Variants in IDO2 observed in about 807,000 individuals in gnomAD.
IDO2 encodes indoleamine 2,3-dioxygenase-like 1 protein.
IDO2 carries 46 observed loss-of-function variants against 45.1 expected under a neutral mutation model. The observed-to-expected ratio is 1.02, with a 90% CI of 0.80 to 1.30. The LOEUF is 1.30. Among genes scored for constraint, IDO2 ranks in the 50% most tolerant of loss-of-function variants. The pLI is 0.00. For synonymous variants in IDO2, 218 were observed against 184.9 expected, an observed-to-expected ratio of 1.18 and a Z score of -1.45; for missense variants, 544 against 491.8, an observed-to-expected ratio of 1.11 and a Z score of -1.00.
chr8:39,946,974 A>G (rs1005781958), intron 1 of IDO2, among the ~76,000 whole-genome samples: 2 of 152,096 alleles, frequency 1.3e-5, no homozygotes, highest in Non-Finnish European at 2.9e-5. Context: ...AGCCTGGTCA[A>G]CATGGTGAAA....
chr8:39,960,605 C>G (rs1807977744), intron 2 of IDO2, among the ~76,000 whole-genome samples: 1 of 152,210 alleles, frequency 6.6e-6, no homozygotes, highest in Non-Finnish European at 1.5e-5. Context: ...AACCCTGCTT[C>G]TATGACCCTG....
At chr8:39,949,360 A>G in intron 2 of IDO2, 96 bp downstream of exon 2, 1 of 829,804 alleles carries the variant, frequency 1.2e-6, no homozygotes, top group East Asian at 2.7e-5. Context: ...TTAAGAGACC[A>G]ATATAAATAT....
chr8:39,998,519 A>G (rs1802084392), intron 8 of IDO2: 1 of 151,582 alleles, frequency 6.6e-6, no homozygotes, highest in Non-Finnish European at 1.5e-5. Context: ...GCTGGCTCCC[A>G]TGTCTGATCA....
At chr8:39,948,827 A>G (rs1807775395) in intron 1 of IDO2, among the ~76,000 whole-genome samples, 1 of 152,182 alleles carries the variant, frequency 6.6e-6, no homozygotes, top group African/African-American at 2.4e-5. Flanking sequence ...AACCACAACC[A>G]CAGGTCTATT....
At chr8:40,002,527 G>A (rs913607233) in intron 8 of IDO2, among the ~76,000 whole-genome samples, 1 of 152,172 alleles carries the variant, frequency 6.6e-6, no homozygotes, top group Non-Finnish European at 1.5e-5. Context: ...GGGCGCGGTG[G>A]CTCACGCCTG....
At chr8:40,006,850 G>GGA (rs564855158) in intron 9 of IDO2, among the ~76,000 whole-genome samples, 101 of 151,992 alleles carry the variant, frequency 6.6e-4, no homozygotes, top group African/African-American at 2.3e-3. Context: ...TAGTAGAGAC[G>GGA]GAGTATTGCC....
chr8:39,967,048 A>G (rs748110093), intron 3 of IDO2, among the ~76,000 whole-genome samples: 1 of 152,236 alleles, frequency 6.6e-6, no homozygotes, highest in Non-Finnish European at 1.5e-5. Context: ...ACTCCTCAAT[A>G]TAAACCTAAC....
chr8:39,989,504 A>G (rs1405783122), intron 7 of IDO2, among the ~76,000 whole-genome samples: 1 of 152,158 alleles, frequency 6.6e-6, no homozygotes, highest in Non-Finnish European at 1.5e-5. Context: ...CAGCCAGATG[A>G]AATTCCAGAA....
At chr8:39,938,520 C>CT (rs1807591775) in intron 1 of IDO2, among the ~76,000 whole-genome samples, 1 of 151,652 alleles carries the variant, frequency 6.6e-6, no homozygotes, top group African/African-American at 2.4e-5. Context: ...TCTAGGTGAC[C>CT]TTGGGTTTGG....
chr8:39,996,920 G>A (rs62511373), intron 8 of IDO2, among the ~76,000 whole-genome samples: 10 of 152,166 alleles, frequency 6.6e-5, no homozygotes, highest in African/African-American at 2.4e-4. Flanking sequence ...CAGGCACAAT[G>A]AACATTGTAA....
chr8:39,939,684 G>GA (rs1284454986), intron 1 of IDO2, among the ~76,000 whole-genome samples: 1 of 127,054 alleles, frequency 7.9e-6, no homozygotes. Flanking sequence ...AAAATGTCAC[G>GA]AAAATAAAAG....
chr8:39,950,742 T>G (rs1251305311), intron 2 of IDO2, among the ~76,000 whole-genome samples: 1 of 152,188 alleles, frequency 6.6e-6, no homozygotes, highest in Non-Finnish European at 1.5e-5. Context: ...AGTTTAAAAC[T>G]TTTTTAATTG....
intron 8 of IDO2, among the ~76,000 whole-genome samples, chr8:39,997,383 A>AG: frequency 6.6e-6 from 1 of 151,802 alleles, no homozygotes; most frequent in Admixed American, 6.6e-5. Flanking sequence ...TAAAAAAAAA[A>AG]GAAATCATTG....
chr8:39,954,844 A>T (rs1164188795), intron 2 of IDO2, among the ~76,000 whole-genome samples: 1 of 151,170 alleles, frequency 6.6e-6, no homozygotes, highest in African/African-American at 2.4e-5. Context: ...TTTAGTAGAG[A>T]TAGGGTTTCG....
At chr8:39,943,735 CAAAAAAAAAAA>C (rs61643070) in intron 1 of IDO2, among the ~76,000 whole-genome samples, 2 of 89,232 alleles carry the variant, frequency 2.2e-5, no homozygotes, top group Non-Finnish European at 4.4e-5. Flanking sequence ...GACTCCATCT[CAAAAAAAAAAA>C]AAAAAAAAAA....
intron 3 of IDO2, among the ~76,000 whole-genome samples, chr8:39,971,316 C>T (rs1808176418): frequency 6.6e-6 from 1 of 152,134 alleles, no homozygotes; most frequent in Admixed American, 6.6e-5. Context: ...CTGTTGCGAC[C>T]TACTGCTCAG....
At chr8:39,994,786 A>G (rs1231948019) in intron 8 of IDO2, among the ~76,000 whole-genome samples, 1 of 152,204 alleles carries the variant, frequency 6.6e-6, no homozygotes, top group Non-Finnish European at 1.5e-5. Flanking sequence ...ACTGCATAAT[A>G]GCAATTTTTA....
At chr8:39,935,135 A>G in exon 1 of IDO2, 1 of 1,490,778 alleles carries the variant, frequency 6.7e-7, no homozygotes, top group Non-Finnish European at 9.4e-7. Context: ...CACCTAAAGA[A>G]CAGAATGAAA....
intron 2 of IDO2, among the ~76,000 whole-genome samples, chr8:39,959,298 G>A (rs140455931): frequency 0.15 from 22,965 of 150,288 alleles, 1,945 homozygotes; most frequent in East Asian, 0.27. Flanking sequence ...TTTTTTTTAG[G>A]AGAGACGGGG....
Sources: gnomAD v4.1 joint callset for allele counts (sites outside exome capture counted in the v4.1 genomes callset) on GRCh38, gnomAD v4.1.1 for gene constraint, MANE v1.5 for transcripts, NCBI Gene and HGNC (gene_info 2026-07-23, HGNC 2026-07-21) for gene names.